NFIA: variants seen among roughly 807,000 people sequenced by gnomAD.
NFIA encodes nuclear factor 1 A-type.
A neutral mutation model predicts 62.8 loss-of-function variants in NFIA; 8 were observed. The observed-to-expected ratio is 0.13, with a 90% CI of 0.07 to 0.23. The LOEUF (loss-of-function observed/expected upper bound fraction) is 0.23. Ranked by LOEUF, NFIA falls within the 10% of genes least tolerant of loss-of-function variation. The pLI is 1.00. For missense variants in NFIA, 410 were observed against 642.1 expected, an observed-to-expected ratio of 0.64 and a Z score of 3.91; for synonymous variants, 235 against 238.1, an observed-to-expected ratio of 0.99 and a Z score of 0.12.
chr1:61,249,918 G>A (rs1203065573), intron 2 of NFIA: 2 of 152,204 alleles, frequency 1.3e-5, no homozygotes, highest in Non-Finnish European at 2.9e-5. Context: ...AACATGGTAT[G>A]GGTTGGAATA....
At chr1:61,444,076 T>G (rs1209093165) in intron 10 of NFIA, among the ~76,000 whole-genome samples, 1 of 152,206 alleles carries the variant, frequency 6.6e-6, no homozygotes, top group Non-Finnish European at 1.5e-5. Context: ...AACTTAATCT[T>G]CAAGGCAGAA....
chr1:61,457,176 G>C lies in NFIA; in HGVS notation c.*1856G>C, dbSNP rs1668347183. On this transcript the variant is annotated 3_prime_UTR_variant, in exon 11 of 11. Transcript: ENST00000403491. The surrounding 1 kb of genome is among the most constrained non-coding windows in gnomAD (Gnocchi z 4.2). ...ACTGAAATTCTTGGGAAGACACTTT[G>C]CTCCTCATCTTTCTCCCCGAAACAA... 6.6e-6 allele frequency: 1 copy of C among 152,090 alleles called. No individual in the cohort carries two copies. The highest frequency in any genetic ancestry group is 2.4e-5 in the African/African-American group (1 of 41,408). The allele number at this position is 152,090 out of a possible 1,614,324, so 9.4% of individuals were successfully genotyped here.
intron 2 of NFIA, among the ~76,000 whole-genome samples, chr1:61,160,321 C>T (rs757547188): frequency 3.9e-5 from 6 of 152,184 alleles, no homozygotes; most frequent in East Asian, 1.9e-4. Context: ...TAGCCCCTTC[C>T]GAGACCTGGT....
intron 5 of NFIA, among the ~76,000 whole-genome samples, chr1:61,357,073 C>T (rs531898155): frequency 6.6e-5 from 10 of 152,318 alleles, no homozygotes; most frequent in South Asian, 2.1e-4. Context: ...AAAGTCCAGA[C>T]GTGCAATATC....
chr1:61,287,734 A>C (rs1658598592), intron 3 of NFIA, among the ~76,000 whole-genome samples: 1 of 151,886 alleles, frequency 6.6e-6, no homozygotes, highest in South Asian at 2.1e-4. Flanking sequence ...GTACTGCGTG[A>C]AATATACTTA....
At chr1:61,190,760 A>T (rs1413136620) in intron 2 of NFIA, among the ~76,000 whole-genome samples, 1 of 152,204 alleles carries the variant, frequency 6.6e-6, no homozygotes, top group Non-Finnish European at 1.5e-5. Context: ...TTCACTCTAG[A>T]CCATATTTGG....
chr1:61,386,781 C>T (rs966166), intron 7 of NFIA, among the ~76,000 whole-genome samples: 2,110 of 152,268 alleles, frequency 0.014, 54 homozygotes, highest in African/African-American at 0.048. Context: ...AGCGGTTGTC[C>T]TTGTCTGTTT....
chr1:61,356,992 T>C (rs1662989864), intron 5 of NFIA, among the ~76,000 whole-genome samples: 1 of 152,208 alleles, frequency 6.6e-6, no homozygotes, highest in African/African-American at 2.4e-5. Flanking sequence ...CCAAAGTAAC[T>C]TTTCTAAAAT....
upstream of NFIA, among the ~76,000 whole-genome samples, chr1:61,078,529 T>A (rs1321752971): frequency 6.6e-6 from 1 of 152,216 alleles, no homozygotes; most frequent in Non-Finnish European, 1.5e-5. Context: ...TTACAAAACT[T>A]CTTACTCTGA....
At chr1:61,120,873 T>C (rs1486920597) in intron 2 of NFIA, among the ~76,000 whole-genome samples, 1 of 152,242 alleles carries the variant, frequency 6.6e-6, no homozygotes, top group Non-Finnish European at 1.5e-5. Context: ...TTACAATTTC[T>C]CACTTTAGAT....
intron 2 of NFIA, among the ~76,000 whole-genome samples, chr1:61,263,933 T>G (rs1272423975): frequency 6.6e-6 from 1 of 151,590 alleles, no homozygotes; most frequent in Non-Finnish European, 1.5e-5. Flanking sequence ...GAGGTTGCAG[T>G]GAGCAGAGAT....
At chr1:61,191,780 A>G (rs537708925) in intron 2 of NFIA, among the ~76,000 whole-genome samples, 61 of 152,150 alleles carry the variant, frequency 4.0e-4, no homozygotes, top group Non-Finnish European at 7.8e-4. Flanking sequence ...TTTTCCCCCC[A>G]CAGATATTGG....
chr1:61,309,763 C>T (rs887857469), intron 3 of NFIA, among the ~76,000 whole-genome samples: 2 of 152,132 alleles, frequency 1.3e-5, no homozygotes, highest in African/African-American at 2.4e-5. Context: ...GTGGCATGCA[C>T]CTGTAGTCCC....
At chr1:61,311,407 AAAC>A (rs1660109587) in intron 3 of NFIA, among the ~76,000 whole-genome samples, 1 of 97,492 alleles carries the variant, frequency 1.0e-5, no homozygotes, top group South Asian at 4.5e-4. Context: ...AACAAAAAAC[AAAC>A]AAAAAAAACA....
In NFIA at chr1:61,230,664, T is replaced by C. The variant is rs527895918; in HGVS notation, c.560-46856T>C. Among the ~76,000 whole-genome samples, 52 of 152,236 alleles carry C rather than the reference T, an allele frequency of 3.4e-4. 1 individual carries two copies. The highest frequency in any genetic ancestry group is 2.9e-3 in the South Asian group (14 of 4,822). The stretch of plus-strand genomic sequence containing the variant: ...AACAACTATTGCTCCTTTGTTAACA[T>C]ACCTTCATTGACTCCCTCTCACCAG... On this transcript the variant is annotated intron_variant, in intron 2 of 10. Coordinates refer to ENST00000403491, the MANE Select transcript of NFIA (RefSeq NM_001134673.4).
At chr1:61,229,637 AT>A (rs1654545824) in intron 2 of NFIA, among the ~76,000 whole-genome samples, 2 of 152,256 alleles carry the variant, frequency 1.3e-5, no homozygotes, top group East Asian at 3.9e-4. Context: ...TCAAAGTCTG[AT>A]TGAATCAGGA....
intron 2 of NFIA, among the ~76,000 whole-genome samples, chr1:61,186,345 A>G (rs1338733378): frequency 1.3e-5 from 2 of 152,208 alleles, no homozygotes; most frequent in Non-Finnish European, 2.9e-5. Flanking sequence ...TGTGAAGATT[A>G]AATGTGATAT....
chr1:61,123,210 G>A (rs1255485480), intron 2 of NFIA, among the ~76,000 whole-genome samples: 2 of 152,142 alleles, frequency 1.3e-5, no homozygotes, highest in Admixed American at 1.3e-4. Context: ...ATAGGACAGA[G>A]CCCACAGCCA....
At chr1:61,177,076 AG>A (rs1235747107) in intron 2 of NFIA, among the ~76,000 whole-genome samples, 1 of 151,954 alleles carries the variant, frequency 6.6e-6, no homozygotes, top group Non-Finnish European at 1.5e-5. Flanking sequence ...ACTGCACTCC[AG>A]CCTGGGCGAC....
Sources: allele counts gnomAD v4.1 joint callset (sites outside exome capture counted in the v4.1 genomes callset), GRCh38; gene constraint gnomAD v4.1.1; non-coding constraint Gnocchi (gnomAD v3.1); transcripts MANE v1.5; gene names NCBI Gene and HGNC (gene_info 2026-07-23, HGNC 2026-07-21).